Variants in ZNF300 observed in about 807,000 individuals in gnomAD.
ZNF300 encodes the protein kruppel-like zinc finger protein.
In ZNF300, 6 loss-of-function variants were observed where a neutral mutation model predicts 13.9. That is an observed-to-expected ratio of 0.43 (90% CI 0.24 to 0.85). ZNF300 has a LOEUF of 0.85. Ranked by LOEUF, ZNF300 falls within the 40% of genes least tolerant of loss-of-function variation. The pLI is 0.25. For synonymous variants in ZNF300, 237 were observed against 242.2 expected (o/e 0.98, Z 0.20); for missense variants, 662 against 714.2 (o/e 0.93, Z 0.83).
In ZNF300 at chr5:150,897,856, A is replaced by G. The variant is rs184730238; in HGVS notation, c.265+206T>C. 8.8e-5 allele frequency: 44 copies of G among 498,904 alleles called. 1 individual carries two copies. The East Asian group carries it at 9.2e-4, about 10-fold the overall frequency. The allele number at this position is 498,904 out of a possible 1,614,324, so 30.9% of individuals were successfully genotyped here. On this transcript the variant is annotated intron_variant, in intron 5 of 5. Coordinates refer to ENST00000274599, the MANE Select transcript of ZNF300 (RefSeq NM_052860.4). ...TATTGCCTTTAAAACCCTTTCAGGAAAGACAACAAATATAAACATATATAT... is the reference window on the plus strand; with the variant it reads ...TATTGCCTTTAAAACCCTTTCAGGAGAGACAACAAATATAAACATATATAT...
rs2113308780 is a variant in ZNF300, at chr5:150,895,598, T to C, written c.1641A>G (p.Lys547=). The change falls in exon 6 of 6, where the codon AAA becomes AAG. Residue 547 remains lysine (K), a synonymous_variant. Coordinates refer to ENST00000274599, the MANE Select transcript of ZNF300 (RefSeq NM_052860.4). ...PGHQRIHTGE[K]PYICAECGKA... ...TTCCACATTCAGCACATATGTAAGG[T>C]TTCTCTCCTGTATGAATTCGCTGGT... is the stretch of plus-strand genomic sequence containing the variant. 6.2e-7 allele frequency: 1 copy of C among 1,613,496 alleles called. No individual in the cohort carries two copies. Among genetic ancestry groups the C allele is most frequent in the Non-Finnish European group, 8.5e-7 (1 of 1,179,716 alleles).
In ZNF300 at chr5:150,897,919, C is replaced by T; in HGVS notation, c.265+143G>A. 17 of 906,668 alleles carry T rather than the reference C, an allele frequency of 1.9e-5. 1 individual carries two copies. In the South Asian group the frequency reaches 3.1e-4, roughly 16 times the overall value. The allele number at this position is 906,668 out of a possible 1,614,324, so 56.2% of individuals were successfully genotyped here. On this transcript the variant is annotated intron_variant, in intron 5 of 5. Coordinates refer to ENST00000274599, the MANE Select transcript of ZNF300 (RefSeq NM_052860.4). ...GACAGGATCAACAACAAATAGAACT[C>T]CTCTGAAAGGCTTCACAATTACTTG...
In ZNF300 at chr5:150,898,447, G is replaced by A; in HGVS notation, c.123C>T (p.Tyr41=). The A allele has an allele frequency of 6.2e-7, 1 of 1,613,506 alleles. No homozygotes were observed. Among genetic ancestry groups the A allele is most frequent in the Non-Finnish European group, 8.5e-7 (1 of 1,179,602 alleles). Residue 41 remains tyrosine, a synonymous_variant, in exon 4 of 6, where the codon TAC becomes TAT. Transcript: ENST00000274599. ...CCTTACCCATTGAGACCAGGTGGCT[G>A]TAGTTCTCCAGCATCACATCCCTGT... ...TLYRDVMLEN[Y]SHLVSMGYPV...
At chr5:150,898,657 G>A (rs1754886255) in intron 3 of ZNF300, 103 bp from the exon 4 acceptor site, 2 of 1,321,108 alleles carry the variant, frequency 1.5e-6, no homozygotes, top group Non-Finnish European at 2.0e-6. Flanking sequence ...ATAGTTTTTG[G>A]GAAAAACAAA....
In ZNF300 at chr5:150,895,774, C is replaced by T. The variant is rs1242004223; in HGVS notation, c.1465G>A (p.Gly489Arg). 2.5e-6 allele frequency: 4 copies of T among 1,613,502 alleles called. No individual in the cohort carries two copies. The highest frequency in any genetic ancestry group is 4.5e-5 in the East Asian group (2 of 44,864). The change falls in exon 6 of 6, where the codon GGA becomes AGA. Residue 489 changes from glycine to arginine, a missense_variant. Transcript: ENST00000274599. ...TCACTACATTTATAGGGTTTTTCTC[C>T]AGTATGTGTTCTCTGATGTATGATG... ...QLIIHQRTHT[G>R]EKPYKCSECG...
At chr5:150,899,420 TA>T (rs139865848) in intron 3 of ZNF300, among the ~76,000 whole-genome samples, 6,704 of 151,790 alleles carry the variant, frequency 0.044, 194 homozygotes, top group East Asian at 0.16. Flanking sequence ...CATTTTTTTT[TA>T]AAAAAAGAAA....
chr5:150,898,710 G>GA (rs1172994071), intron 3 of ZNF300, among the ~76,000 whole-genome samples, 156 bp from the exon 4 acceptor site: 1 of 151,502 alleles, frequency 6.6e-6, no homozygotes, highest in East Asian at 2.0e-4. Context: ...CATATGAGGA[G>GA]AAAAAAAGAG....
chr5:150,896,080 C>A lies in ZNF300; in HGVS notation c.1159G>T (p.Gly387Trp), dbSNP rs542704110. 4 of 1,613,526 alleles carry A rather than the reference C, an allele frequency of 2.5e-6. No individual in the cohort carries two copies. The highest frequency in any genetic ancestry group is 3.3e-5 in the Admixed American group (2 of 59,862). ...GEKPYECREC[G>W]KAFSQKSQLI... The stretch of plus-strand genomic sequence containing the variant: ...TGTGACTTCTGGGAAAAGGCCTTCC[C>A]ACACTCTCTACATTCATAGGGTTTT... Residue 387 changes from glycine (G) to tryptophan (W), a missense_variant, in exon 6 of 6, where the codon GGG becomes TGG. Coordinates refer to ENST00000274599, the MANE Select transcript of ZNF300 (RefSeq NM_052860.4).
intron 5 of ZNF300, chr5:150,897,854 G>T: frequency 2.0e-6 from 1 of 496,414 alleles, no homozygotes; most frequent in Non-Finnish European, 3.3e-6. Flanking sequence ...ACCCTTTCAG[G>T]AAAGACAACA....
chr5:150,902,027 A>G (rs1323318866), intron 3 of ZNF300, among the ~76,000 whole-genome samples: 1 of 152,200 alleles, frequency 6.6e-6, no homozygotes, highest in Non-Finnish European at 1.5e-5. Context: ...AATCAATCAC[A>G]GTTATATTCA....
Position 150,896,828 on chromosome 5 carries a change from A to C in ZNF300, c.411T>G (p.Phe137Leu). The change falls in exon 6 of 6, where the codon TTT becomes TTG. Residue 137 changes from phenylalanine to leucine, a missense_variant. By Grantham distance (22) the Phe-to-Leu change is conservative. Transcript: ENST00000274599. ...TGAAGAGTTTGTCTTGATTCTCTAG[A>C]AATCTCTGCAGCTGACCATCACCTT... is the stretch of plus-strand genomic sequence containing the variant. ...VCQGDGQLQR[F>L]LENQDKLFRQ... The C allele has an allele frequency of 6.2e-7, 1 of 1,613,772 alleles. No individual in the cohort carries two copies.
intron 3 of ZNF300, among the ~76,000 whole-genome samples, chr5:150,900,131 A>G (rs1436395973): frequency 6.6e-6 from 1 of 152,150 alleles, no homozygotes; most frequent in Non-Finnish European, 1.5e-5. Context: ...AGATGATTAC[A>G]TACTAAATAT....
At chr5:150,903,505 G>T (rs76805241) in intron 2 of ZNF300, 20 of 771,240 alleles carry the variant, frequency 2.6e-5, no homozygotes, top group African/African-American at 1.6e-4. Flanking sequence ...TCTATTTATA[G>T]AAGATTTTCA....
At chr5:150,900,421 C>T (rs1250165849) in intron 3 of ZNF300, among the ~76,000 whole-genome samples, 2 of 152,092 alleles carry the variant, frequency 1.3e-5, no homozygotes, top group Non-Finnish European at 2.9e-5. Flanking sequence ...ATCATTTAAG[C>T]CTATTACCTA....
At chr5:150,898,787 A>ATT (rs1214306157) in intron 3 of ZNF300, among the ~76,000 whole-genome samples, 1 of 152,062 alleles carries the variant, frequency 6.6e-6, no homozygotes, top group Non-Finnish European at 1.5e-5. Context: ...GCATCCAAAT[A>ATT]ACTGGGAGGA....
chr5:150,901,931 T>C (rs1039844085), intron 3 of ZNF300, among the ~76,000 whole-genome samples: 14 of 151,882 alleles, frequency 9.2e-5, no homozygotes, highest in African/African-American at 3.4e-4. Flanking sequence ...GAACAAAATA[T>C]TTACTATAAC....
At chr5:150,902,680 G>C (rs1755030262) in intron 3 of ZNF300, among the ~76,000 whole-genome samples, 1 of 152,130 alleles carries the variant, frequency 6.6e-6, no homozygotes, top group African/African-American at 2.4e-5. Flanking sequence ...CCTCACTCAA[G>C]AATAAGGTTC....
intron 3 of ZNF300, among the ~76,000 whole-genome samples, chr5:150,901,458 C>A (rs895348976): frequency 2.6e-5 from 4 of 151,992 alleles, no homozygotes; most frequent in African/African-American, 4.8e-5. Context: ...TGTTCAGTAA[C>A]CACATTTGGC....
At chr5:150,904,538 A>C (rs1755082067) in intron 1 of ZNF300, among the ~76,000 whole-genome samples, 166 bp downstream of exon 1, 1 of 152,004 alleles carries the variant, frequency 6.6e-6, no homozygotes, top group African/African-American at 2.4e-5. Flanking sequence ...TTCCTGACCT[A>C]ATAGACACCC....
Sources: gnomAD v4.1 joint callset for allele counts (sites outside exome capture counted in the v4.1 genomes callset) on GRCh38, gnomAD v4.1.1 for gene constraint, MANE v1.5 for transcripts, NCBI Gene and HGNC (gene_info 2026-07-23, HGNC 2026-07-21) for gene names.